PRKCH: variants seen among roughly 807,000 people sequenced by gnomAD.
The protein encoded by PRKCH is protein kinase C eta type.
Under a neutral mutation model 82.5 loss-of-function variants are expected in PRKCH, and 28 were observed. The ratio of observed to expected loss-of-function variants is 0.34; its 90% confidence interval spans 0.25 to 0.47. PRKCH has a LOEUF of 0.47. Ranked by LOEUF, PRKCH falls within the 20% of genes least tolerant of loss-of-function variation. PRKCH has a pLI of 1.00. For missense variants in PRKCH, 705 were observed against 881.8 expected (o/e 0.80, Z 2.54); for synonymous variants, 322 against 327.4 (o/e 0.98, Z 0.18).
chr14:61,327,354 G>T (rs1381400393), intron 1 of PRKCH, among the ~76,000 whole-genome samples: 1 of 152,056 alleles, frequency 6.6e-6, no homozygotes, highest in African/African-American at 2.4e-5. Flanking sequence ...TAGTGCCGTT[G>T]TTTATTCTCA....
chr14:61,319,578 A>T (rs934979438), upstream of PRKCH, among the ~76,000 whole-genome samples: 2 of 152,210 alleles, frequency 1.3e-5, no homozygotes, highest in South Asian at 4.1e-4. Flanking sequence ...ATTTAAAAAA[A>T]AATTTAAAGT....
intron 12 of PRKCH, among the ~76,000 whole-genome samples, chr14:61,532,479 C>T (rs1037606578): frequency 6.6e-6 from 1 of 152,148 alleles, no homozygotes; most frequent in East Asian, 1.9e-4. Flanking sequence ...GTTGGACATT[C>T]CTAATTTTTT....
chr14:61,201,848 T>C (rs989984058), intron 1 of PRKCH, among the ~76,000 whole-genome samples: 1 of 152,264 alleles, frequency 6.6e-6, no homozygotes, highest in Non-Finnish European at 1.5e-5. Context: ...ATTTGAATTA[T>C]GTAGATGACT....
At chr14:61,513,570 C>G (rs372765200) in intron 10 of PRKCH, among the ~76,000 whole-genome samples, 12 of 152,064 alleles carry the variant, frequency 7.9e-5, no homozygotes, top group African/African-American at 2.7e-4. Context: ...TTAATTTTTC[C>G]TTTTTCAGTC....
Position 61,390,542 on chromosome 14 carries a change from C to T in PRKCH, c.364-683C>T, listed in dbSNP as rs57057003. ...CAAAAACAGATCAGATGTGGTGGCA[C>T]ACGCCTGTAATCCCAGCTACTCAGG... On this transcript the variant is annotated intron_variant, in intron 1 of 13. Transcript: ENST00000332981. 1.2e-3 allele frequency among the ~76,000 whole-genome samples: 180 copies of T among 152,216 alleles called. 5 individuals are homozygous for T. The highest frequency in any genetic ancestry group is 0.011 in the East Asian group (57 of 5,166).
At chr14:61,475,034 A>G (rs565238954) in intron 9 of PRKCH, among the ~76,000 whole-genome samples, 2 of 152,340 alleles carry the variant, frequency 1.3e-5, no homozygotes, top group African/African-American at 4.8e-5. Context: ...ATCTTCCCAC[A>G]TGGCATAAGT....
chr14:61,473,341 T>G (rs1336484871), intron 9 of PRKCH, among the ~76,000 whole-genome samples: 1 of 152,140 alleles, frequency 6.6e-6, no homozygotes, highest in Non-Finnish European at 1.5e-5. Context: ...AATCTTTAAG[T>G]GAGGGAGTAA....
In PRKCH at chr14:61,450,988, C is replaced by T; in HGVS notation, c.832+17C>T. The stretch of plus-strand genomic sequence containing the variant: ...AGTGTAAAAGTGAGATGCTGAGGTG[C>T]TGGGTACCCACCTCTTCATGGGAAC... On this transcript the variant is annotated intron_variant, in intron 6 of 13. Transcript: ENST00000332981. 6.2e-7 allele frequency: 1 copy of T among 1,612,596 alleles called. No individual in the cohort carries two copies. Among genetic ancestry groups the T allele is most frequent in the Non-Finnish European group, 8.5e-7 (1 of 1,179,226 alleles).
At chr14:61,329,217 T>TAG (rs1030214950) in intron 1 of PRKCH, among the ~76,000 whole-genome samples, 32 of 140,882 alleles carry the variant, frequency 2.3e-4, no homozygotes, top group Admixed American at 9.4e-4. Context: ...CCACTGCTCT[T>TAG]AGATAAACTC....
chr14:61,394,620 A>T (rs1260663317), intron 2 of PRKCH, among the ~76,000 whole-genome samples: 2 of 152,350 alleles, frequency 1.3e-5, no homozygotes, highest in East Asian at 3.9e-4. Context: ...TAATCATTAC[A>T]TGACTTTTTT....
chr14:61,317,605 A>G (rs2045573992), upstream of PRKCH, among the ~76,000 whole-genome samples: 1 of 152,038 alleles, frequency 6.6e-6, no homozygotes, highest in Non-Finnish European at 1.5e-5. Flanking sequence ...TGCCTACTAC[A>G]TCTCTTGACA....
chr14:61,448,222 G>C (rs1376976306), intron 4 of PRKCH, among the ~76,000 whole-genome samples: 1 of 152,154 alleles, frequency 6.6e-6, no homozygotes, highest in Non-Finnish European at 1.5e-5. Context: ...TTACTGACAT[G>C]TCACCTCTCT....
chr14:61,422,904 C>T (rs892312803), intron 2 of PRKCH, among the ~76,000 whole-genome samples: 1 of 152,186 alleles, frequency 6.6e-6, no homozygotes, highest in African/African-American at 2.4e-5. Flanking sequence ...TACTTGATCT[C>T]ATTCATGCTT....
intron 10 of PRKCH, 102 bp from the exon 11 acceptor site, chr14:61,528,973 C>CACGTGTGTGT (rs147160132): frequency 3.5e-6 from 2 of 567,222 alleles, no homozygotes; most frequent in Non-Finnish European, 5.2e-6. Context: ...TGTGGCCGCA[C>CACGTGTGTGT]GTGTGTGTGT....
At chr14:61,402,623 C>T (rs995697994) in intron 2 of PRKCH, among the ~76,000 whole-genome samples, 1 of 151,748 alleles carries the variant, frequency 6.6e-6, no homozygotes, top group African/African-American at 2.4e-5. Context: ...GGTGAAACCC[C>T]GTCTCTACTA....
intron 2 of PRKCH, among the ~76,000 whole-genome samples, chr14:61,423,286 G>C (rs78330242): frequency 1.3e-5 from 2 of 152,146 alleles, no homozygotes; most frequent in Non-Finnish European, 2.9e-5. Context: ...AATAAGATGG[G>C]TATTGGACAC....
At chr14:61,257,836 G>A (rs1289812018) in intron 1 of PRKCH, among the ~76,000 whole-genome samples, 2 of 152,114 alleles carry the variant, frequency 1.3e-5, no homozygotes, top group Non-Finnish European at 2.9e-5. Context: ...GCTAGAACGA[G>A]CACTCTTCAC....
At chr14:61,268,135 G>A (rs1314988754) in intron 1 of PRKCH, among the ~76,000 whole-genome samples, 1 of 152,150 alleles carries the variant, frequency 6.6e-6, no homozygotes, top group African/African-American at 2.4e-5. Context: ...AAATATGACA[G>A]TACTGCACAA....
chr14:61,518,824 G>GT (rs1191412056), intron 10 of PRKCH, among the ~76,000 whole-genome samples: 4 of 152,088 alleles, frequency 2.6e-5, no homozygotes, highest in Admixed American at 6.5e-5. Flanking sequence ...TTTCATTATT[G>GT]TTTTTTGAGA....
Sources: allele counts gnomAD v4.1 joint callset (sites outside exome capture counted in the v4.1 genomes callset), GRCh38; gene constraint gnomAD v4.1.1; transcripts MANE v1.5; gene names NCBI Gene and HGNC (gene_info 2026-07-23, HGNC 2026-07-21).